The following FBXL17 variants were observed in gnomAD, a reference collection of about 807,000 sequenced individuals.
The protein encoded by FBXL17 is F-box/LRR-repeat protein 17.
A neutral mutation model predicts 66.2 loss-of-function variants in FBXL17; 22 were observed. The observed-to-expected ratio is 0.33, with a 90% CI of 0.24 to 0.47. The LOEUF is 0.47. Ranked by LOEUF, FBXL17 falls within the 20% of genes least tolerant of loss-of-function variation. The pLI is 1.00. For missense variants in FBXL17, 878 were observed against 948.2 expected (o/e 0.93, Z 0.97); for synonymous variants, 474 against 400.5 (o/e 1.18, Z -2.19).
At chr5:107,928,192 G>T (rs1278684561) in intron 7 of FBXL17, among the ~76,000 whole-genome samples, 1 of 151,830 alleles carries the variant, frequency 6.6e-6, no homozygotes, top group African/African-American at 2.4e-5. Flanking sequence ...AACACACAAA[G>T]AAAAAATAGG....
rs927767053 is a variant in FBXL17 at position 107,894,786 on chromosome 5, TAAAG to T, written c.1823-13611_1823-13608del. 2.6e-5 allele frequency among the ~76,000 whole-genome samples: 4 copies of T among 152,228 alleles called. No individual in the cohort carries two copies. In the South Asian group the frequency reaches 8.3e-4, roughly 32 times the overall value. On this transcript the variant is annotated intron_variant, in intron 7 of 8. Transcript: ENST00000542267. ...TGTTTTTACATAAATTTAATCAAAATAAAGAGACTGAATTGCAACTATAAGAATC... is the reference window on the plus strand; with the variant it reads ...TGTTTTTACATAAATTTAATCAAAATAGACTGAATTGCAACTATAAGAATC...
chr5:108,371,637 T>C (rs1238425407), intron 1 of FBXL17, among the ~76,000 whole-genome samples: 2 of 152,086 alleles, frequency 1.3e-5, no homozygotes, highest in African/African-American at 4.8e-5. Flanking sequence ...CTCACAGAGC[T>C]AAAGAAAACC....
chr5:107,940,113 C>T (rs937002530), intron 7 of FBXL17, among the ~76,000 whole-genome samples: 3 of 152,096 alleles, frequency 2.0e-5, no homozygotes, highest in African/African-American at 7.2e-5. Flanking sequence ...ATGAAATTGA[C>T]ACTAGAAACA....
intron 4 of FBXL17, among the ~76,000 whole-genome samples, chr5:108,260,095 G>A (rs760204013): frequency 3.4e-4 from 52 of 151,778 alleles, no homozygotes; most frequent in Admixed American, 1.4e-3. Context: ...GAGGAAACCG[G>A]TTGTTGGAAA....
intron 3 of FBXL17, among the ~76,000 whole-genome samples, chr5:108,353,656 G>C (rs1747783424): frequency 6.6e-6 from 1 of 152,094 alleles, no homozygotes; most frequent in Non-Finnish European, 1.5e-5. Flanking sequence ...ACCTTCCTAG[G>C]GGAAGGGAAA....
intron 6 of FBXL17, among the ~76,000 whole-genome samples, chr5:108,146,023 C>T (rs1452974489): frequency 2.6e-5 from 4 of 151,874 alleles, no homozygotes; most frequent in African/African-American, 7.3e-5. Flanking sequence ...TCGAAACCAT[C>T]CTGGCTAACA....
intron 5 of FBXL17, 44 bp from the exon 6 acceptor site, chr5:108,186,291 C>T: frequency 6.5e-7 from 1 of 1,544,222 alleles, no homozygotes; most frequent in South Asian, 1.2e-5. Context: ...GTAAATGCTA[C>T]ATTCACTCTC....
chr5:108,299,990 C>T (rs1027004962), intron 4 of FBXL17, among the ~76,000 whole-genome samples: 2 of 151,892 alleles, frequency 1.3e-5, no homozygotes, highest in African/African-American at 4.8e-5. Context: ...AGGAGTATGT[C>T]CATTCTTACG....
chr5:107,981,187 G>A (rs1752811630), intron 7 of FBXL17, among the ~76,000 whole-genome samples: 1 of 152,252 alleles, frequency 6.6e-6, no homozygotes, highest in East Asian at 1.9e-4. Flanking sequence ...GTTCAGCATG[G>A]CTTGAGCAGG....
intron 7 of FBXL17, among the ~76,000 whole-genome samples, chr5:107,946,047 C>T (rs1751267745): frequency 1.3e-5 from 2 of 151,182 alleles, no homozygotes; most frequent in Admixed American, 6.6e-5. Flanking sequence ...TTAGAATTTA[C>T]CTTAAAGTCT....
intron 7 of FBXL17, among the ~76,000 whole-genome samples, chr5:107,935,821 A>G (rs575038412): frequency 6.6e-6 from 1 of 152,226 alleles, no homozygotes; most frequent in East Asian, 1.9e-4. Context: ...ACATGGAAGC[A>G]ATGGAGGGGA....
chr5:108,311,201 C>T (rs1055854756), intron 4 of FBXL17, among the ~76,000 whole-genome samples: 1 of 151,842 alleles, frequency 6.6e-6, no homozygotes, highest in African/African-American at 2.4e-5. Context: ...GATGGAGTCT[C>T]GCCGTTGTTA....
chr5:108,191,472 T>C (rs561585667), intron 5 of FBXL17, among the ~76,000 whole-genome samples: 1 of 152,290 alleles, frequency 6.6e-6, no homozygotes, highest in African/African-American at 2.4e-5. Flanking sequence ...GGTGAGAGCA[T>C]ATAATAAAAA....
chr5:108,252,933 G>T (rs1181264338), intron 4 of FBXL17, among the ~76,000 whole-genome samples: 4 of 152,162 alleles, frequency 2.6e-5, no homozygotes, highest in Admixed American at 2.0e-4. Flanking sequence ...TCTTAGAAAA[G>T]GCTGATGTGA....
intron 7 of FBXL17, among the ~76,000 whole-genome samples, chr5:107,942,297 G>A (rs1269198199): frequency 1.3e-5 from 2 of 152,142 alleles, no homozygotes; most frequent in Non-Finnish European, 2.9e-5. Flanking sequence ...GTGGAGGGGA[G>A]AGACCATGAC....
chr5:108,144,294 T>C (rs1751474291), intron 6 of FBXL17, among the ~76,000 whole-genome samples: 1 of 152,182 alleles, frequency 6.6e-6, no homozygotes, highest in Non-Finnish European at 1.5e-5. Flanking sequence ...AAACCAATTC[T>C]ATATGAACCC....
intron 4 of FBXL17, among the ~76,000 whole-genome samples, chr5:108,287,948 A>G (rs1757962808): frequency 6.6e-6 from 1 of 152,086 alleles, no homozygotes; most frequent in African/African-American, 2.4e-5. Context: ...AAAAGAATAG[A>G]TACTATCCTT....
At chr5:107,936,683 G>C (rs541863244) in intron 7 of FBXL17, among the ~76,000 whole-genome samples, 5 of 152,242 alleles carry the variant, frequency 3.3e-5, no homozygotes, top group Admixed American at 6.6e-5. Context: ...TGATCTGCTT[G>C]TGGAATTTTC....
At chr5:108,114,168 C>T (rs1175292013) in intron 6 of FBXL17, among the ~76,000 whole-genome samples, 2 of 152,068 alleles carry the variant, frequency 1.3e-5, no homozygotes, top group African/African-American at 2.4e-5. Flanking sequence ...GTACCCCTCC[C>T]GAAGAGTTTA....
Sources: gnomAD v4.1 joint callset for allele counts (sites outside exome capture counted in the v4.1 genomes callset) on GRCh38, gnomAD v4.1.1 for gene constraint, MANE v1.5 for transcripts, NCBI Gene and HGNC (gene_info 2026-07-23, HGNC 2026-07-21) for gene names.